The following ZNF699 variants were observed in gnomAD, a reference collection of about 807,000 sequenced individuals.
The protein encoded by ZNF699 is hangover homolog.
ZNF699 carries 18 observed loss-of-function variants against 22.5 expected under a neutral mutation model. That is an observed-to-expected ratio of 0.80 (90% CI 0.55 to 1.19). The LOEUF (loss-of-function observed/expected upper bound fraction) is 1.19. Among genes scored for constraint, ZNF699 ranks in the 50% most tolerant of loss-of-function variants. The pLI is 0.00. For synonymous variants in ZNF699, 241 were observed against 262.3 expected, an observed-to-expected ratio of 0.92 and a Z score of 0.78; for missense variants, 670 against 763.4, an observed-to-expected ratio of 0.88 and a Z score of 1.44.
At chr19:9,308,346 T>C (rs962994313) in intron 1 of ZNF699, among the ~76,000 whole-genome samples, 7 of 152,036 alleles carry the variant, frequency 4.6e-5, no homozygotes, top group African/African-American at 1.4e-4. Flanking sequence ...GAACAAGAAT[T>C]AATCATAATT....
intron 1 of ZNF699, among the ~76,000 whole-genome samples, 165 bp from the exon 2 acceptor site, chr19:9,305,289 G>GCACACACACACACA (rs2066323632): frequency 1.4e-5 from 2 of 141,230 alleles, no homozygotes; most frequent in African/African-American, 6.2e-5. Flanking sequence ...ACACACACAT[G>GCACACACACACACA]CACACACCCA....
chr19:9,297,996 C>G lies in ZNF699; in HGVS notation c.176-6G>C. ...GGGTGTGTGTAGCGGATACCCTGCA[C>G]AAGCAGAAAGGCATATCACGAGGGA... On this transcript the variant is annotated splice_polypyrimidine_tract_variant and splice_region_variant and intron_variant, in intron 3 of 5. Transcript: ENST00000591998. This position sits in a 1 kb window ranked among gnomAD's most constrained non-coding sequence, Gnocchi z 4.3. 1.3e-6 allele frequency: 2 copies of G among 1,583,398 alleles called. No individual in the cohort carries two copies. Among genetic ancestry groups the G allele is most frequent in the East Asian group, 2.2e-5 (1 of 44,618 alleles).
intron 3 of ZNF699, among the ~76,000 whole-genome samples, 195 bp from the exon 4 acceptor site, chr19:9,298,185 C>T (rs966775644): frequency 3.4e-5 from 5 of 148,340 alleles, no homozygotes; most frequent in Admixed American, 1.3e-4. Flanking sequence ...CGGTGACTCA[C>T]GCCTGTAATC....
chr19:9,300,457 T>C (rs966847907), intron 3 of ZNF699, among the ~76,000 whole-genome samples: 1 of 152,022 alleles, frequency 6.6e-6, no homozygotes, highest in South Asian at 2.1e-4. Context: ...CCCAAAGGAG[T>C]TGAAAACTTA....
In ZNF699 at chr19:9,309,449, G is replaced by C. The variant is rs1476087658; in HGVS notation, c.-105C>G. On this transcript the variant is annotated 5_prime_UTR_variant, in exon 1 of 6. Coordinates refer to ENST00000591998, the MANE Select transcript of ZNF699 (RefSeq NM_198535.3). ...GAGATGCTCTTCCTTTCTGGAAAGA[G>C]AGCAAAGGATGCTTTCGGAGGCTGA... The C allele has an allele frequency of 1.3e-5, 2 of 152,336 alleles. No homozygotes were observed. The highest frequency in any genetic ancestry group is 2.9e-5 in the Non-Finnish European group (2 of 68,122). 9.4% of individuals were successfully genotyped at this position (152,336 alleles called of 1,614,324 possible).
Position 9,295,984 on chromosome 19 carries a change from G to A in ZNF699, c.1420C>T (p.Gln474Ter). The A allele has an allele frequency of 6.2e-7, 1 of 1,613,952 alleles. No individual in the cohort carries two copies. ...TTCCCACACTCCTTACATTCATACT[G>A]TATCTTTCCAGTGTGATCTCTCACA... ...AHVRDHTGKI[Q>*]YECKECGKTF... The change falls in exon 6 of 6, where the codon CAG (glutamine) becomes TAG (stop). Residue 474 changes from glutamine (Q) to a stop codon, truncating the protein, a stop_gained. Coordinates refer to ENST00000591998, the MANE Select transcript of ZNF699 (RefSeq NM_198535.3). LOFTEE classifies it low-confidence loss of function (END_TRUNC).
chr19:9,299,975 A>G (rs1027620765), intron 3 of ZNF699, among the ~76,000 whole-genome samples: 2 of 152,210 alleles, frequency 1.3e-5, no homozygotes, highest in Non-Finnish European at 2.9e-5. Context: ...ATCATAAGTC[A>G]TCAGGGAAAT....
At position 9,307,937 on chromosome 19, in the gene ZNF699, ACT is replaced by A. The variant is rs1278227723; in HGVS notation, c.-6+1411_-6+1412del. ...ACTCCAGCCTGGGAGACACAGCGAG[ACT>A]CTGTCTCAAAAAAAAAAAAAAAAAT... On this transcript the variant is annotated intron_variant, in intron 1 of 5. Transcript: ENST00000591998. 6.7e-5 allele frequency among the ~76,000 whole-genome samples: 10 copies of A among 148,860 alleles called. No homozygotes were observed. The South Asian group carries it at 2.1e-3, about 32-fold the overall frequency.
In ZNF699 at chr19:9,296,666, A is replaced by C; in HGVS notation, c.738T>G (p.Thr246=). 1.9e-6 allele frequency: 3 copies of C among 1,614,074 alleles called. No homozygotes were observed. Among genetic ancestry groups the C allele is most frequent in the Non-Finnish European group, 2.5e-6 (3 of 1,180,012 alleles). The change falls in exon 6 of 6, where the codon ACT becomes ACG. Residue 246 remains threonine (T), a synonymous_variant. Transcript: ENST00000591998. ...CCTTACATTCATAGGGCTTCTCTTC[A>C]GTGGGGGTTTTCATATGCTTCTTGA... ...ACFKKHMKTP[T]EEKPYECKEC... is the part of the protein sequence containing the mutation.
At chr19:9,307,607 A>G (rs1424629044) in intron 1 of ZNF699, among the ~76,000 whole-genome samples, 1 of 152,170 alleles carries the variant, frequency 6.6e-6, no homozygotes, top group Non-Finnish European at 1.5e-5. Context: ...CAGAGGGTTT[A>G]GTATATCTAT....
chr19:9,305,144 A>G lies in ZNF699; in HGVS notation c.-5-20T>C, dbSNP rs772427075. 1.9e-6 allele frequency: 3 copies of G among 1,610,522 alleles called. No homozygotes were observed. The Admixed American group carries it at 5.0e-5, about 27-fold the overall frequency. On this transcript the variant is annotated intron_variant, in intron 1 of 5. Coordinates refer to ENST00000591998, the MANE Select transcript of ZNF699 (RefSeq NM_198535.3). The stretch of plus-strand genomic sequence containing the variant: ...TGTCGCCTTCATGAAGAAAAGCAGG[A>G]TATTGAGAAGTTAGAATTAAAAAAG...
In ZNF699 at chr19:9,296,499, C is replaced by T. The variant is rs761326292; in HGVS notation, c.905G>A (p.Ser302Asn). ...SSLTEHKRIH[S>N]GDKPYECKEC... The stretch of plus-strand genomic sequence containing the variant: ...CTTACATTCATAAGGCTTATCTCCA[C>T]TGTGAATTCTTTTGTGTTCTGTGAG... The change falls in exon 6 of 6, where the codon AGT becomes AAT. Residue 302 changes from serine (S) to asparagine (N), a missense_variant. Transcript: ENST00000591998. The T allele has an allele frequency of 5.5e-5, 88 of 1,613,446 alleles. No individual in the cohort carries two copies. The East Asian group carries it at 1.9e-3, about 34-fold the overall frequency.
chr19:9,304,106 C>G (rs1318987597), intron 2 of ZNF699, among the ~76,000 whole-genome samples: 1 of 152,142 alleles, frequency 6.6e-6, no homozygotes. Flanking sequence ...CAGGCGTGAG[C>G]CACCGTGCCC....
Position 9,295,220 on chromosome 19 carries a change from G to A in ZNF699, c.*255C>T. The A allele has an allele frequency of 2.2e-6, 1 of 452,034 alleles. No individual in the cohort carries two copies. The highest frequency in any genetic ancestry group is 3.9e-6 in the Non-Finnish European group (1 of 259,392). 28.0% of individuals were successfully genotyped at this position (452,034 alleles called of 1,614,324 possible). ...ATCAGAAAACACTGGTAATCAACGA[G>A]CCAGCATTCTACTTTAAGGATGAGG... is the stretch of plus-strand genomic sequence containing the variant. On this transcript the variant is annotated 3_prime_UTR_variant, in exon 6 of 6. Transcript: ENST00000591998.
At chr19:9,307,233 G>A (rs1005347303) in intron 1 of ZNF699, among the ~76,000 whole-genome samples, 1 of 152,098 alleles carries the variant, frequency 6.6e-6, no homozygotes, top group African/African-American at 2.4e-5. Flanking sequence ...AATCAAATAT[G>A]TTATCTTTGA....
At chr19:9,305,262 CACAT>C (rs376940705) in intron 1 of ZNF699, 138 bp from the exon 2 acceptor site, 8,264 of 641,178 alleles carry the variant, frequency 0.013, 36 homozygotes, top group South Asian at 0.017. Context: ...CCCCTCAAAA[CACAT>C]ACACACACAC....
chr19:9,306,391 C>CA (rs145368969), intron 1 of ZNF699, among the ~76,000 whole-genome samples: 59,096 of 139,200 alleles, frequency 0.42, 12,838 homozygotes, highest in Non-Finnish European at 0.5. Context: ...GACTCCATCT[C>CA]AAAAAAAAAA....
In ZNF699 at chr19:9,305,107, T is replaced by C. The variant is rs530652731; in HGVS notation, c.13A>G (p.Arg5Gly). Reference sequence around the variant, plus strand: ...TTTTTCTGTAACTCAGCAGTTTTTCTTTCTTCCTCCATGTCGCCTTCATGA... The same window carrying C: ...TTTTTCTGTAACTCAGCAGTTTTTCCTTCTTCCTCCATGTCGCCTTCATGA... MEEE[R>G]KTAELQKNRI... Residue 5 changes from arginine to glycine, a missense_variant, in exon 2 of 6, where the codon AGA becomes GGA. Transcript: ENST00000591998. The C allele has an allele frequency of 1.7e-5, 28 of 1,613,638 alleles. No individual in the cohort carries two copies. The African/African-American group carries it at 2.8e-4, about 16-fold the overall frequency.
Position 9,296,490 on chromosome 19 carries a change from T to C in ZNF699, c.914A>G (p.Lys305Arg). ...CCCACATTCCTTACATTCATAAGGC[T>C]TATCTCCACTGTGAATTCTTTTGTG... is the stretch of plus-strand genomic sequence containing the variant. The part of the protein sequence containing the change: ...TEHKRIHSGD[K>R]PYECKECGKA... The change falls in exon 6 of 6, where the codon AAG becomes AGG. Residue 305 changes from lysine (K) to arginine (R), a missense_variant. Coordinates refer to ENST00000591998, the MANE Select transcript of ZNF699 (RefSeq NM_198535.3). The C allele has an allele frequency of 1.2e-6, 2 of 1,614,194 alleles. No individual in the cohort carries two copies. The highest frequency in any genetic ancestry group is 1.7e-6 in the Non-Finnish European group (2 of 1,180,012).
Sources: allele counts gnomAD v4.1 joint callset (sites outside exome capture counted in the v4.1 genomes callset), GRCh38; gene constraint gnomAD v4.1.1; non-coding constraint Gnocchi (gnomAD v3.1); transcripts MANE v1.5; gene names NCBI Gene and HGNC (gene_info 2026-07-23, HGNC 2026-07-21).